AK9: variants seen among roughly 807,000 people sequenced by gnomAD.
The protein encoded by AK9 is adenylate kinase domain containing 1.
A neutral mutation model predicts 239.6 loss-of-function variants in AK9; 191 were observed. The ratio of observed to expected loss-of-function variants is 0.80; its 90% CI spans 0.71 to 0.90. The LOEUF is 0.90. AK9 is among the 40% of genes least tolerant of loss of function. AK9 has a pLI of 0.00. For missense variants in AK9, 1,995 were observed against 2,214.7 expected (o/e 0.90, Z 1.99); for synonymous variants, 689 against 721.0 (o/e 0.96, Z 0.71).
At chr6:109,603,064 T>C (rs1792276214) in intron 17 of AK9, among the ~76,000 whole-genome samples, 1 of 152,210 alleles carries the variant, frequency 6.6e-6, no homozygotes, top group South Asian at 2.1e-4. Context: ...AGCCTTCTTC[T>C]CTCCGCTCGT....
chr6:109,613,212 A>C (rs1266882842), intron 15 of AK9, among the ~76,000 whole-genome samples: 1 of 151,742 alleles, frequency 6.6e-6, no homozygotes, highest in Non-Finnish European at 1.5e-5. Context: ...TATGAAAAAT[A>C]CCTTTACTTC....
intron 24 of AK9, among the ~76,000 whole-genome samples, chr6:109,551,652 C>A (rs1784373448): frequency 1.3e-5 from 2 of 151,934 alleles, no homozygotes; most frequent in Admixed American, 6.6e-5. Flanking sequence ...GCCTCCCCCA[C>A]CTATTATTTT....
chr6:109,641,675 A>C lies in AK9; in HGVS notation c.835-59T>G, dbSNP rs1797467659. On this transcript the variant is annotated intron_variant, in intron 9 of 40. Coordinates refer to ENST00000424296, the MANE Select transcript of AK9 (RefSeq NM_001145128.3). The stretch of plus-strand genomic sequence containing the variant: ...GCATCTGAATATCTCAAATACTCTG[A>C]AACAGTGGTGGGCTTATGAGCCAAG... 6.2e-6 allele frequency: 9 copies of C among 1,450,186 alleles called. No individual in the cohort carries two copies. In the Admixed American group the frequency reaches 7.1e-5, roughly 12 times the overall value. 89.8% of individuals were successfully genotyped at this position (1,450,186 alleles called of 1,614,324 possible). A position where few individuals can be genotyped will look rare whatever the true frequency, so the allele number is the denominator to read the frequency against.
chr6:109,498,071 G>A (rs1262043271), intron 36 of AK9, 106 bp from the exon 37 acceptor site: 11 of 1,043,336 alleles, frequency 1.1e-5, no homozygotes, highest in African/African-American at 1.6e-5. Context: ...CAGTAGCAGC[G>A]TTCTGCTGCT....
chr6:109,548,567 A>C (rs1205421116), intron 25 of AK9, among the ~76,000 whole-genome samples: 1 of 152,232 alleles, frequency 6.6e-6, no homozygotes, highest in Non-Finnish European at 1.5e-5. Flanking sequence ...TAAATTTGTG[A>C]GGAAAAAATT....
At chr6:109,500,406 T>G (rs758066946) in intron 35 of AK9, among the ~76,000 whole-genome samples, 3 of 152,206 alleles carry the variant, frequency 2.0e-5, no homozygotes, top group Non-Finnish European at 4.4e-5. Context: ...AATGGGGACT[T>G]CAAAGCAATA....
At chr6:109,578,362 C>A (rs1230957582) in intron 20 of AK9, among the ~76,000 whole-genome samples, 2 of 152,212 alleles carry the variant, frequency 1.3e-5, no homozygotes, top group African/African-American at 4.8e-5. Flanking sequence ...AGCCACCACA[C>A]CTGGCCTCCT....
At chr6:109,539,326 T>C (rs922113217) in intron 27 of AK9, among the ~76,000 whole-genome samples, 7 of 152,338 alleles carry the variant, frequency 4.6e-5, no homozygotes, top group African/African-American at 1.7e-4. Context: ...TTCTCTAATC[T>C]TCTCTTCTCG....
In AK9 at chr6:109,514,091, T is replaced by G. The variant is rs890173211; in HGVS notation, c.4279+133A>C. 3 of 852,084 alleles carry G rather than the reference T, an allele frequency of 3.5e-6. No homozygotes were observed. In the Admixed American group the frequency reaches 8.8e-5, roughly 25 times the overall value. 52.8% of individuals were successfully genotyped at this position (852,084 alleles called of 1,614,324 possible). On this transcript the variant is annotated intron_variant, in intron 32 of 40. Transcript: ENST00000424296. ...GGATTGGAGATTTCCTCCTGTCTCCTCACTCAGCCACCCTACGATTAAATG... is the reference window on the plus strand; with the variant it reads ...GGATTGGAGATTTCCTCCTGTCTCCGCACTCAGCCACCCTACGATTAAATG...
chr6:109,674,041 G>C (rs192223900), intron 3 of AK9, among the ~76,000 whole-genome samples, 157 bp downstream of exon 3: 15 of 151,988 alleles, frequency 9.9e-5, no homozygotes, highest in African/African-American at 3.4e-4. Context: ...TCACTGGGTT[G>C]ATAGGTGGAC....
chr6:109,586,849 C>A (rs1789564237), intron 17 of AK9, among the ~76,000 whole-genome samples: 2 of 152,128 alleles, frequency 1.3e-5, no homozygotes. Context: ...AACACCAATT[C>A]TGAGAGCTTC....
chr6:109,682,803 G>A (rs1328780323), intron 1 of AK9, among the ~76,000 whole-genome samples: 9 of 152,056 alleles, frequency 5.9e-5, no homozygotes, highest in East Asian at 1.9e-4. Context: ...ATTCACAGCC[G>A]AATTCTACCA....
chr6:109,654,179 T>C (rs1277474573), intron 8 of AK9, among the ~76,000 whole-genome samples: 1 of 152,166 alleles, frequency 6.6e-6, no homozygotes, highest in Non-Finnish European at 1.5e-5. Flanking sequence ...CAAAATCATC[T>C]CTTTATCCAG....
At chr6:109,633,802 A>C (rs1021753860) in intron 10 of AK9, among the ~76,000 whole-genome samples, 2 of 152,170 alleles carry the variant, frequency 1.3e-5, no homozygotes, top group Non-Finnish European at 2.9e-5. Flanking sequence ...GCAGTTCTTT[A>C]ATTCTTAAAA....
chr6:109,561,798 T>A (rs1375896712), intron 24 of AK9, among the ~76,000 whole-genome samples: 2 of 152,248 alleles, frequency 1.3e-5, no homozygotes, highest in East Asian at 3.8e-4. Context: ...GCTATTATAA[T>A]ATTTTCTTCA....
rs150229029 is a variant in AK9, at chr6:109,546,261, C to T, written c.2965-134G>A. On this transcript the variant is annotated intron_variant, in intron 25 of 40. Transcript: ENST00000424296. ...GGGGTAGGAATGATCACATCATGAA[C>T]TCAAGGATGCTTAGATATTAGGATT... The T allele has an allele frequency of 2.1e-3, 1,576 of 741,376 alleles. 35 individuals carry two copies. The East Asian group carries it at 0.039, about 18-fold the overall frequency. The allele number at this position is 741,376 out of a possible 1,614,324, so 45.9% of individuals were successfully genotyped here. A position where few individuals can be genotyped will look rare whatever the true frequency, so the allele number is the denominator to read the frequency against.
chr6:109,575,721 G>C (rs1787984213), intron 20 of AK9, among the ~76,000 whole-genome samples: 1 of 151,632 alleles, frequency 6.6e-6, no homozygotes, highest in South Asian at 2.1e-4. Context: ...TTGGGTTCTT[G>C]GGCATGAACT....
At position 109,639,421 on chromosome 6, in the gene AK9, CA is replaced by C. The variant is rs370082465; in HGVS notation, c.933+2096del. Among the ~76,000 whole-genome samples the C allele has an allele frequency of 3.2e-4, 48 of 152,328 alleles. No individual in the cohort carries two copies. The East Asian group carries it at 9.2e-3, about 29-fold the overall frequency. Reference sequence around the variant, plus strand: ...TGACCAGTGATGATGAGCATTTTTTCATATGTCCGTTGGCTGCATAAATGTC... The same window carrying C: ...TGACCAGTGATGATGAGCATTTTTTCTATGTCCGTTGGCTGCATAAATGTC... On this transcript the variant is annotated intron_variant, in intron 10 of 40. Coordinates refer to ENST00000424296, the MANE Select transcript of AK9 (RefSeq NM_001145128.3).
intron 10 of AK9, among the ~76,000 whole-genome samples, chr6:109,635,368 C>T (rs987148521): frequency 1.1e-4 from 17 of 152,236 alleles, no homozygotes; most frequent in African/African-American, 3.9e-4. Context: ...GACATGGGAC[C>T]TTGTGATACC....
Sources: gnomAD v4.1 joint callset for allele counts (sites outside exome capture counted in the v4.1 genomes callset) on GRCh38, gnomAD v4.1.1 for gene constraint, MANE v1.5 for transcripts, NCBI Gene and HGNC (gene_info 2026-07-23, HGNC 2026-07-21) for gene names.